The following PPP6R3 variants were observed in gnomAD, a reference collection of about 807,000 sequenced individuals.
PPP6R3 encodes serine/threonine-protein phosphatase 6 regulatory subunit 3.
Under a neutral mutation model 110.7 loss-of-function variants are expected in PPP6R3, and 38 were observed. The ratio of observed to expected loss-of-function variants is 0.34; its 90% CI spans 0.26 to 0.45. The LOEUF (loss-of-function observed/expected upper bound fraction) is 0.45, where lower values mean the gene tolerates loss of function less well. Ranked by LOEUF, PPP6R3 falls within the 20% of genes least tolerant of loss-of-function variation. The pLI, the probability that PPP6R3 is intolerant of heterozygous loss-of-function variation, is 1.00. For synonymous variants in PPP6R3, 369 were observed against 373.5 expected (o/e 0.99, Z 0.14); for missense variants, 870 against 1,062.4 (o/e 0.82, Z 2.52).
At chr11:68,468,574 G>A (rs1476953088) in intron 1 of PPP6R3, among the ~76,000 whole-genome samples, 1 of 152,240 alleles carries the variant, frequency 6.6e-6, no homozygotes. Context: ...TGCAGTGAAT[G>A]ATCTCAAGGA....
At chr11:68,610,051 C>T in intron 23 of PPP6R3, 28 bp downstream of exon 23, 4 of 1,610,206 alleles carry the variant, frequency 2.5e-6, no homozygotes, top group Non-Finnish European at 3.4e-6. Context: ...CAAACCCACC[C>T]AGGCCCTGCC....
In PPP6R3 at chr11:68,537,800, G is replaced by C; in HGVS notation, c.136G>C (p.Glu46Gln). ...TAAAGCTCAGAACCGCAAACTTATA[G>C]AGTTTCTGTTAAAAGCAGAATGTCT... The part of the protein sequence containing the change: ...ECKAQNRKLI[E>Q]FLLKAECLED... The change falls in exon 3 of 24, where the codon GAG (glutamate) becomes CAG (glutamine). Residue 46 changes from glutamate to glutamine, a missense_variant. Physicochemically the swap from Glu to Gln is conservative, Grantham distance 29. Transcript: ENST00000393800. 6.2e-7 allele frequency: 1 copy of C among 1,614,012 alleles called. No homozygotes were observed. Among genetic ancestry groups the C allele is most frequent in the Non-Finnish European group, 8.5e-7 (1 of 1,179,884 alleles).
chr11:68,574,940 G>T (rs1276524540), intron 13 of PPP6R3, among the ~76,000 whole-genome samples: 1 of 152,074 alleles, frequency 6.6e-6, no homozygotes, highest in African/African-American at 2.4e-5. Flanking sequence ...TTTCCCAGTG[G>T]GTCTTCCATT....
intron 1 of PPP6R3, among the ~76,000 whole-genome samples, chr11:68,498,535 C>T (rs1004299826): frequency 5.9e-5 from 9 of 152,170 alleles, no homozygotes; most frequent in South Asian, 2.1e-4. Flanking sequence ...TAGGGGCAGC[C>T]GGTATTCTAA....
chr11:68,599,085 A>G lies in PPP6R3; in HGVS notation c.2039-1256A>G, dbSNP rs867454873. On this transcript the variant is annotated intron_variant, in intron 19 of 23. Transcript: ENST00000393800. ...CTGTCTTTAAACTCAGAACATTTCT[A>G]TTCTACACGGGTACTTCTTAATCTT... Among the ~76,000 whole-genome samples, 6 of 152,342 alleles carry G rather than the reference A, an allele frequency of 3.9e-5. No homozygotes were observed. The South Asian group carries it at 6.2e-4, about 16-fold the overall frequency.
intron 1 of PPP6R3, among the ~76,000 whole-genome samples, chr11:68,499,545 T>G (rs118037366): frequency 2.6e-5 from 4 of 152,240 alleles, no homozygotes; most frequent in Non-Finnish European, 5.9e-5. Context: ...TTTGCCATGT[T>G]CTGTTTGTTA....
intron 1 of PPP6R3, among the ~76,000 whole-genome samples, chr11:68,477,741 A>AAAAAAAAAAAAAAATATATATAT: frequency 1.7e-5 from 1 of 57,894 alleles, no homozygotes; most frequent in African/African-American, 7.1e-5. Context: ...AAAAAAAAAA[A>AAAAAAAAAAAAAAATATATATAT]ATATATATAT....
chr11:68,477,737 AAAAAATATAT>A (rs1424741469), intron 1 of PPP6R3, among the ~76,000 whole-genome samples: 6 of 64,568 alleles, frequency 9.3e-5, no homozygotes, highest in East Asian at 6.9e-4. Context: ...TTAAAAAAAA[AAAAAATATAT>A]ATATATATAT....
rs150442739 is a variant in PPP6R3, at chr11:68,567,537, G to T, written c.1128+371G>T. ...TGCCACTGGGAGGTATCTGTATAAC[G>T]TACCTGACGCCATATGGTCTTAATT... On this transcript the variant is annotated intron_variant, in intron 10 of 23. Coordinates refer to ENST00000393800, the MANE Select transcript of PPP6R3 (RefSeq NM_001164161.2). Among the ~76,000 whole-genome samples the T allele has an allele frequency of 4.6e-5, 7 of 152,306 alleles. No homozygotes were observed. The East Asian group carries it at 1.3e-3, about 29-fold the overall frequency.
chr11:68,604,438 CT>C (rs1938278694), intron 22 of PPP6R3, among the ~76,000 whole-genome samples: 1 of 152,194 alleles, frequency 6.6e-6, no homozygotes, highest in African/African-American at 2.4e-5. Context: ...TCTAGAAAAT[CT>C]AGAGTAGACT....
intron 3 of PPP6R3, among the ~76,000 whole-genome samples, chr11:68,539,939 TC>T (rs1275559687): frequency 6.6e-6 from 1 of 152,102 alleles, no homozygotes; most frequent in African/African-American, 2.4e-5. Flanking sequence ...ACCAGGAACA[TC>T]CAGGCAGGGG....
At chr11:68,541,030 C>T (rs776178373) in intron 3 of PPP6R3, among the ~76,000 whole-genome samples, 9 of 152,132 alleles carry the variant, frequency 5.9e-5, no homozygotes, top group Non-Finnish European at 8.8e-5. Context: ...TAAAGACAGG[C>T]ATAGGAAAGC....
chr11:68,554,322 GAGTGATTGGTA>G, intron 7 of PPP6R3, 65 bp downstream of exon 7: 9 of 1,267,454 alleles, frequency 7.1e-6, no homozygotes, highest in Non-Finnish European at 1.0e-5. Flanking sequence ...TTACCATTGT[GAGTGATTGGTA>G]AGTGTTCCTT....
intron 1 of PPP6R3, among the ~76,000 whole-genome samples, chr11:68,487,385 A>T (rs1194325727): frequency 6.6e-6 from 1 of 151,634 alleles, no homozygotes; most frequent in Non-Finnish European, 1.5e-5. Context: ...CCTGGCCAAC[A>T]TGGCAAAACT....
intron 4 of PPP6R3, among the ~76,000 whole-genome samples, chr11:68,547,281 A>G (rs1436896051): frequency 6.6e-6 from 1 of 152,100 alleles, no homozygotes; most frequent in Non-Finnish European, 1.5e-5. Flanking sequence ...GAGAAATTTC[A>G]GTGAGATCCT....
chr11:68,566,236 C>CA (rs2099467519), intron 9 of PPP6R3, among the ~76,000 whole-genome samples: 1 of 146,926 alleles, frequency 6.8e-6, no homozygotes, highest in Admixed American at 6.9e-5. Context: ...ACCACCACCA[C>CA]GGCTGCTGCT....
intron 15 of PPP6R3, 117 bp downstream of exon 15, chr11:68,583,246 ATTAG>A (rs2099568316): frequency 1.3e-6 from 1 of 765,692 alleles, no homozygotes; most frequent in Admixed American, 3.3e-5. Context: ...GGGGTTACTT[ATTAG>A]TTAGACCAAA....
At chr11:68,524,632 G>T (rs185950765) in intron 2 of PPP6R3, among the ~76,000 whole-genome samples, 2 of 152,174 alleles carry the variant, frequency 1.3e-5, no homozygotes, top group African/African-American at 4.8e-5. Flanking sequence ...CTTCTCCCTG[G>T]CATTCTTCCT....
At chr11:68,529,804 C>G (rs578014829) in intron 2 of PPP6R3, among the ~76,000 whole-genome samples, 198 of 152,262 alleles carry the variant, frequency 1.3e-3, no homozygotes, top group Middle Eastern at 0.01. Flanking sequence ...AAAACATGGC[C>G]TATAACCTCT....
Sources: gnomAD v4.1 joint callset for allele counts (sites outside exome capture counted in the v4.1 genomes callset) on GRCh38, gnomAD v4.1.1 for gene constraint, MANE v1.5 for transcripts, NCBI Gene and HGNC (gene_info 2026-07-23, HGNC 2026-07-21) for gene names.